ZC3H12B: variants seen among roughly 807,000 people sequenced by gnomAD.
The protein encoded by ZC3H12B is zinc finger CCCH-type containing 12B, also known as probable ribonuclease ZC3H12B.
ZC3H12B carries 7 observed loss-of-function variants against 43.9 expected under a neutral mutation model. The observed-to-expected ratio is 0.16, with a 90% CI of 0.09 to 0.30. The LOEUF (loss-of-function observed/expected upper bound fraction) is 0.30. Among genes scored for constraint, ZC3H12B ranks in the 10% least tolerant of loss-of-function variants. The pLI is 1.00. For synonymous variants in ZC3H12B, 222 were observed against 241.7 expected (o/e 0.92, Z 0.76); for missense variants, 475 against 670.2 (o/e 0.71, Z 3.22).
At chrX:65,071,359 G>A in the ZC3H12B span, among the ~76,000 whole-genome samples, 3 of 103,438 alleles carry the variant, frequency 2.9e-5, no homozygotes, top group African/African-American at 1.1e-4. Context: ...GTCATTGTAT[G>A]GAAGATGGGT....
the ZC3H12B span, among the ~76,000 whole-genome samples, chrX:65,118,048 C>T: frequency 9.0e-6 from 1 of 111,597 alleles, no homozygotes; most frequent in Non-Finnish European, 1.9e-5. Context: ...AATGTGGGCT[C>T]TTTTTTGGTT....
At chrX:65,480,972 T>C (rs2068056412) in intron 3 of ZC3H12B, among the ~76,000 whole-genome samples, 1 of 111,696 alleles carries the variant, frequency 9.0e-6, no homozygotes, top group African/African-American at 3.3e-5. Flanking sequence ...AACATGAATG[T>C]GGACAGTTCT....
chrX:65,393,775 ACTGT>A (rs59561452), intron 2 of ZC3H12B, among the ~76,000 whole-genome samples: 1,464 of 112,059 alleles, frequency 0.013, 22 homozygotes, highest in African/African-American at 0.045. Flanking sequence ...GAATCGCCAC[ACTGT>A]CTAACACAAT....
At chrX:65,120,923 A>T in the ZC3H12B span, among the ~76,000 whole-genome samples, 2 of 111,379 alleles carry the variant, frequency 1.8e-5, no homozygotes, top group Non-Finnish European at 3.8e-5. Context: ...GGTTTTTGTC[A>T]TTGGTTCTAT....
the ZC3H12B span, among the ~76,000 whole-genome samples, chrX:65,233,056 ATATT>A: frequency 2.7e-5 from 3 of 112,200 alleles, no homozygotes; most frequent in Non-Finnish European, 5.6e-5. Context: ...ACAATTGTAA[ATATT>A]TATGTGCCCA....
the ZC3H12B span, among the ~76,000 whole-genome samples, chrX:65,248,743 C>A: frequency 8.9e-6 from 1 of 112,033 alleles, no homozygotes; most frequent in Non-Finnish European, 1.9e-5. Flanking sequence ...CCAACATCTA[C>A]TATTTTTTTG....
At chrX:65,097,956 T>G in the ZC3H12B span, among the ~76,000 whole-genome samples, 1 of 111,899 alleles carries the variant, frequency 8.9e-6, no homozygotes. Context: ...CATTTTTATA[T>G]ATCTTTCTTT....
the ZC3H12B span, among the ~76,000 whole-genome samples, chrX:65,243,859 G>A: frequency 9.0e-6 from 1 of 111,584 alleles, no homozygotes; most frequent in Non-Finnish European, 1.9e-5. Flanking sequence ...ATTAAACAAA[G>A]TTAGCCAGGA....
In ZC3H12B at chrX:65,469,434, C is replaced by T. The variant is rs2067875500; in HGVS notation, n.408-19212C>T. Reference sequence around the variant, plus strand: ...GTTTCTGTCGGGAATGCCAGAGCTGCGGCTGGGCCTCAATGACTCCATGCT... The same window carrying T: ...GTTTCTGTCGGGAATGCCAGAGCTGTGGCTGGGCCTCAATGACTCCATGCT... On this transcript the variant is annotated intron_variant and non_coding_transcript_variant, in intron 3 of 5. Transcript: ENST00000617377. 10 of 458,300 alleles carry T rather than the reference C, an allele frequency of 2.2e-5. 1 individual carries two copies. In the South Asian group the frequency reaches 2.9e-4, roughly 13 times the overall value. The allele number at this position is 458,300 out of a possible 1,213,427, so 37.8% of individuals were successfully genotyped here.
At chrX:65,415,118 G>A (rs1038123148) in intron 3 of ZC3H12B, among the ~76,000 whole-genome samples, 4 of 112,292 alleles carry the variant, frequency 3.6e-5, no homozygotes, top group Non-Finnish European at 7.5e-5. Context: ...GTCATGGGTG[G>A]ATTCAAATAT....
At chrX:65,098,210 A>T in the ZC3H12B span, among the ~76,000 whole-genome samples, 1 of 102,124 alleles carries the variant, frequency 9.8e-6, no homozygotes, top group South Asian at 4.1e-4. Flanking sequence ...AATGCATTTT[A>T]CAGTCATGTC....
the ZC3H12B span, among the ~76,000 whole-genome samples, chrX:65,164,605 C>T: frequency 8.9e-6 from 1 of 111,789 alleles, no homozygotes; most frequent in East Asian, 2.8e-4. Context: ...TTAAATGCCT[C>T]TTGTAGTTAG....
chrX:65,107,481 T>C, the ZC3H12B span, among the ~76,000 whole-genome samples: 1 of 111,225 alleles, frequency 9.0e-6, no homozygotes, highest in Non-Finnish European at 1.9e-5. Context: ...TTAGGCAATT[T>C]TGTCATTATG....
chrX:65,201,699 C>A, the ZC3H12B span, among the ~76,000 whole-genome samples: 7 of 100,468 alleles, frequency 7.0e-5, no homozygotes, highest in Non-Finnish European at 2.0e-5. Flanking sequence ...GTCCCTGGTG[C>A]CTTAGTTTGT....
chrX:65,320,432 G>T, the ZC3H12B span, among the ~76,000 whole-genome samples: 6 of 111,914 alleles, frequency 5.4e-5, no homozygotes, highest in African/African-American at 2.0e-4. Flanking sequence ...CCATGCTCAT[G>T]GATAGGGAGA....
Position 65,387,966 on chromosome X carries a change from GC to G in ZC3H12B, n.296-10622del, listed in dbSNP as rs777651229. On this transcript the variant is annotated intron_variant and non_coding_transcript_variant, in intron 2 of 5. Transcript: ENST00000617377. ...TTTTCTATAAGGATGTTGAATATTG[GC>G]CCCCACTCTCTTCTGGCTTGTAGAG... Among the ~76,000 whole-genome samples the G allele has an allele frequency of 3.0e-4, 33 of 111,696 alleles. No individual in the cohort carries two copies. The Admixed American group carries it at 3.0e-3, about 10-fold the overall frequency.
upstream of ZC3H12B, among the ~76,000 whole-genome samples, chrX:65,366,371 G>T (rs1418717129): frequency 9.0e-6 from 1 of 111,617 alleles, no homozygotes; most frequent in African/African-American, 3.3e-5. Context: ...ACTTGCTTAT[G>T]AATTTTAGAA....
upstream of ZC3H12B, among the ~76,000 whole-genome samples, chrX:65,361,849 G>A (rs1005489542): frequency 3.6e-5 from 4 of 111,766 alleles, no homozygotes; most frequent in African/African-American, 1.3e-4. Flanking sequence ...CAGCCAAGTA[G>A]CAACATATTT....
Position 65,422,226 on chromosome X carries a change from T to C in ZC3H12B, n.407+23522T>C, listed in dbSNP as rs1179920729. On this transcript the variant is annotated intron_variant and non_coding_transcript_variant, in intron 3 of 5. Coordinates refer to the ZC3H12B transcript ENST00000617377. ...AAGTATCAAAGGGTGGAAATGAGTG[T>C]GGCACCACTCACAATACCCCCTAGT... Among the ~76,000 whole-genome samples, 17 of 111,724 alleles carry C rather than the reference T, an allele frequency of 1.5e-4. No individual in the cohort carries two copies. The Admixed American group carries it at 1.6e-3, about 11-fold the overall frequency.
Sources: allele counts gnomAD v4.1 joint callset (sites outside exome capture counted in the v4.1 genomes callset), GRCh38; gene constraint gnomAD v4.1.1; transcripts MANE v1.5; gene names NCBI Gene and HGNC (gene_info 2026-07-23, HGNC 2026-07-21).